The following FOXP2 variants were observed in gnomAD, a reference collection of about 807,000 sequenced individuals.
FOXP2 encodes the protein forkhead box P2.
FOXP2 carries 12 observed loss-of-function variants against 115.8 expected under a neutral mutation model. That is an observed-to-expected ratio of 0.10 (90% confidence interval 0.07 to 0.17). FOXP2 has a LOEUF of 0.17. Ranked by LOEUF, FOXP2 falls within the 10% of genes least tolerant of loss-of-function variation. FOXP2 has a pLI of 1.00. For missense variants in FOXP2, 629 were observed against 843.5 expected (o/e 0.75, Z 3.15); for synonymous variants, 328 against 297.7 (o/e 1.10, Z -1.05).
chr7:114,491,968 A>G (rs1797078476), intron 2 of FOXP2, among the ~76,000 whole-genome samples: 1 of 152,214 alleles, frequency 6.6e-6, no homozygotes, highest in Admixed American at 6.5e-5. Context: ...ATTGATTGGA[A>G]TAGTTTCACA....
chr7:114,132,238 A>G (rs1791898846), intron 1 of FOXP2, among the ~76,000 whole-genome samples: 1 of 152,180 alleles, frequency 6.6e-6, no homozygotes, highest in Non-Finnish European at 1.5e-5. Context: ...TTTAAACAAC[A>G]TAATTCTTTT....
At chr7:114,418,201 TA>T (rs1310287484) in intron 1 of FOXP2, among the ~76,000 whole-genome samples, 4 of 151,954 alleles carry the variant, frequency 2.6e-5, no homozygotes, top group Non-Finnish European at 5.9e-5. Flanking sequence ...CCTAATTGGT[TA>T]CATAAATCTT....
chr7:114,280,510 GCT>G (rs1219439096), intron 1 of FOXP2, among the ~76,000 whole-genome samples: 2 of 151,962 alleles, frequency 1.3e-5, no homozygotes, highest in Non-Finnish European at 2.9e-5. Flanking sequence ...GACTTTAATA[GCT>G]CTCATAATTA....
At position 114,692,627 on chromosome 7, in the gene FOXP2, A is replaced by C. The variant is rs554522015; in HGVS notation, c.*2701A>C. 1 of 450,132 alleles carries C rather than the reference A, an allele frequency of 2.2e-6. No homozygotes were observed. Among genetic ancestry groups the C allele is most frequent in the Admixed American group, 2.4e-5 (1 of 41,858 alleles). 27.9% of individuals were successfully genotyped at this position (450,132 alleles called of 1,614,324 possible). A position where few individuals can be genotyped will look rare whatever the true frequency, so the allele number is the denominator to read the frequency against. On this transcript the variant is annotated 3_prime_UTR_variant, in exon 17 of 17. Coordinates refer to ENST00000350908, the MANE Select transcript of FOXP2 (RefSeq NM_014491.4). ...GCATCTGCTTTGCGTAGCTATTGTA[A>C]GGCTTTGAACTAATGTATGTATTTA...
intron 1 of FOXP2, among the ~76,000 whole-genome samples, chr7:114,120,664 ATATG>A (rs1465663478): frequency 6.8e-6 from 1 of 146,204 alleles, no homozygotes; most frequent in African/African-American, 2.7e-5. Context: ...AGCACTTCAT[ATATG>A]TATGTGTGTG....
intron 1 of FOXP2, among the ~76,000 whole-genome samples, chr7:114,204,915 C>CAA (rs60413933): frequency 2.1e-5 from 3 of 141,822 alleles, no homozygotes; most frequent in African/African-American, 7.8e-5. Flanking sequence ...TTGTGTGTGC[C>CAA]AAAAAAAAAA....
chr7:114,515,861 A>T (rs1798315212), intron 2 of FOXP2, among the ~76,000 whole-genome samples: 1 of 152,208 alleles, frequency 6.6e-6, no homozygotes, highest in African/African-American at 2.4e-5. Flanking sequence ...AGGGATGTGA[A>T]GGACCTCTTC....
At position 114,415,361 on chromosome 7, in the gene FOXP2, G is replaced by C; in HGVS notation, c.-11+1G>C. The C allele has an allele frequency of 2.2e-6, 1 of 446,068 alleles. No individual in the cohort carries two copies. The highest frequency in any genetic ancestry group is 4.5e-6 in the Non-Finnish European group (1 of 224,110). 27.6% of individuals were successfully genotyped at this position (446,068 alleles called of 1,614,324 possible). On this transcript the variant is annotated splice_donor_variant, in intron 1 of 16. Transcript: ENST00000350908. LOFTEE classifies it low-confidence loss of function (5UTR_SPLICE). Reference sequence around the variant, plus strand: ...GTTTGCTCTAACATTTCCAGAGAAGGTACGTTACTTTTTGCTAAGAGAATA... The same window carrying C: ...GTTTGCTCTAACATTTCCAGAGAAGCTACGTTACTTTTTGCTAAGAGAATA...
chr7:114,159,268 TA>T (rs1792760318), upstream of FOXP2, among the ~76,000 whole-genome samples: 2 of 152,070 alleles, frequency 1.3e-5, no homozygotes, highest in African/African-American at 2.4e-5. Context: ...AACAATGAGC[TA>T]AATGAAGCAG....
chr7:114,389,494 G>A (rs1320799045), intron 2 of FOXP2, among the ~76,000 whole-genome samples: 1 of 152,178 alleles, frequency 6.6e-6, no homozygotes, highest in East Asian at 1.9e-4. Flanking sequence ...TGCTAAGTAA[G>A]AATGTCTCCT....
At chr7:114,377,093 A>G (rs1234735853) in intron 2 of FOXP2, among the ~76,000 whole-genome samples, 1 of 152,276 alleles carries the variant, frequency 6.6e-6, no homozygotes, top group East Asian at 1.9e-4. Context: ...ATTATTATTA[A>G]TGGAGGAAGG....
chr7:114,604,829 T>C (rs1803225387), intron 3 of FOXP2, among the ~76,000 whole-genome samples: 1 of 152,120 alleles, frequency 6.6e-6, no homozygotes, highest in South Asian at 2.1e-4. Context: ...GTAGACATAA[T>C]GAGGATTCAG....
Position 114,631,524 on chromosome 7 carries a change from CCAGCAGCAGCAG to C in FOXP2, c.609_620del (p.Gln206_Gln209del). ...GTTTACTGGTTTGGGTTTTCTGATA[CCAGCAGCAGCAG>C]CAGCAGCAGCAGCAACAGCAATTGG... On this transcript the variant is annotated splice_acceptor_variant and splice_polypyrimidine_tract_variant and coding_sequence_variant and intron_variant, in exon 6 of 17. Coordinates refer to ENST00000350908, the MANE Select transcript of FOXP2 (RefSeq NM_014491.4). LOFTEE classifies it high-confidence loss of function. The C allele has an allele frequency of 2.6e-6, 4 of 1,553,586 alleles. No individual in the cohort carries two copies. In the South Asian group the frequency reaches 3.5e-5, roughly 14 times the overall value.
chr7:114,141,634 T>C (rs1434159976), intron 1 of FOXP2, among the ~76,000 whole-genome samples: 1 of 152,172 alleles, frequency 6.6e-6, no homozygotes, highest in African/African-American at 2.4e-5. Context: ...TAGTCAATTG[T>C]CACTGCTGCA....
intron 1 of FOXP2, among the ~76,000 whole-genome samples, chr7:114,142,128 T>G (rs1792231611): frequency 6.6e-6 from 1 of 152,198 alleles, no homozygotes; most frequent in African/African-American, 2.4e-5. Context: ...TTTCAAGCGA[T>G]TCTCCTGCCT....
intron 2 of FOXP2, among the ~76,000 whole-genome samples, chr7:114,443,844 C>A (rs942012783): frequency 4.6e-4 from 70 of 152,172 alleles, no homozygotes; most frequent in African/African-American, 1.6e-3. Context: ...TAGGTTGATT[C>A]CATGTCTTTG....
chr7:114,471,353 G>A, intron 2 of FOXP2, among the ~76,000 whole-genome samples: 1 of 152,058 alleles, frequency 6.6e-6, no homozygotes, highest in East Asian at 1.9e-4. Flanking sequence ...CAATTGATCT[G>A]TCACACAACT....
At chr7:114,584,970 T>A (rs1802059248) in intron 3 of FOXP2, among the ~76,000 whole-genome samples, 1 of 152,250 alleles carries the variant, frequency 6.6e-6, no homozygotes. Flanking sequence ...TCTTTTTTAT[T>A]TATTTCCATG....
intron 2 of FOXP2, among the ~76,000 whole-genome samples, chr7:114,357,994 C>A (rs1286012743): frequency 6.6e-6 from 1 of 152,034 alleles, no homozygotes; most frequent in African/African-American, 2.4e-5. Context: ...GAGATGTGAT[C>A]CTCCTTTGAT....
Sources: allele counts gnomAD v4.1 joint callset (sites outside exome capture counted in the v4.1 genomes callset), GRCh38; gene constraint gnomAD v4.1.1; transcripts MANE v1.5; gene names NCBI Gene and HGNC (gene_info 2026-07-23, HGNC 2026-07-21).